NRXN1: variants seen among roughly 807,000 people sequenced by gnomAD.
NRXN1 encodes neurexin-1.
NRXN1 carries 39 observed loss-of-function variants against 150.9 expected under a neutral mutation model. The ratio of observed to expected loss-of-function variants is 0.26; its 90% CI spans 0.20 to 0.34. The LOEUF (loss-of-function observed/expected upper bound fraction) is 0.34. NRXN1 is among the 10% of genes least tolerant of loss of function. The pLI is 1.00. For missense variants in NRXN1, 1,815 were observed against 1,949.9 expected, an observed-to-expected ratio of 0.93 and a Z score of 1.30; for synonymous variants, 924 against 757.0, an observed-to-expected ratio of 1.22 and a Z score of -3.62.
At chr2:50,136,547 C>T (rs1186817722) in intron 18 of NRXN1, among the ~76,000 whole-genome samples, 2 of 152,148 alleles carry the variant, frequency 1.3e-5, no homozygotes, top group Non-Finnish European at 2.9e-5. Context: ...ATGCACCATA[C>T]TCTAACAGAT....
intron 17 of NRXN1, among the ~76,000 whole-genome samples, chr2:50,448,110 G>A (rs1011626118): frequency 6.6e-6 from 1 of 151,892 alleles, no homozygotes; most frequent in African/African-American, 2.4e-5. Flanking sequence ...TTGAGGGGAA[G>A]GTGAAAAATC....
intron 5 of NRXN1, among the ~76,000 whole-genome samples, chr2:50,727,482 A>G (rs1295571647): frequency 2.6e-5 from 4 of 152,078 alleles, no homozygotes; most frequent in African/African-American, 9.7e-5. Flanking sequence ...CCGTATGGCT[A>G]AAAACAAATT....
chr2:50,297,990 C>G (rs540609785), intron 17 of NRXN1, among the ~76,000 whole-genome samples: 1 of 152,214 alleles, frequency 6.6e-6, no homozygotes, highest in East Asian at 1.9e-4. Flanking sequence ...TCCTCCTTAC[C>G]TTCCTCTTTT....
At chr2:50,492,848 C>A (rs528726237) in intron 15 of NRXN1, among the ~76,000 whole-genome samples, 1 of 152,284 alleles carries the variant, frequency 6.6e-6, no homozygotes, top group African/African-American at 2.4e-5. Flanking sequence ...TTAAATTTGG[C>A]CTCAACATAG....
At chr2:50,037,515 G>A (rs905181165) in intron 21 of NRXN1, among the ~76,000 whole-genome samples, 2 of 152,120 alleles carry the variant, frequency 1.3e-5, no homozygotes, top group African/African-American at 4.8e-5. Flanking sequence ...TTGATAAATA[G>A]AGGGTTATGA....
At chr2:50,409,193 A>T (rs1183040621) in intron 17 of NRXN1, among the ~76,000 whole-genome samples, 2 of 152,148 alleles carry the variant, frequency 1.3e-5, no homozygotes, top group Non-Finnish European at 2.9e-5. Context: ...GATTTCACAG[A>T]TGGAAAAGAC....
intron 19 of NRXN1, among the ~76,000 whole-genome samples, chr2:50,074,964 A>C (rs1696849656): frequency 6.6e-6 from 1 of 152,226 alleles, no homozygotes; most frequent in East Asian, 1.9e-4. Context: ...ACAACGGTAA[A>C]GTTCACAGTG....
chr2:50,759,603 C>T (rs886446739), intron 5 of NRXN1, among the ~76,000 whole-genome samples: 7 of 151,854 alleles, frequency 4.6e-5, no homozygotes, highest in African/African-American at 1.4e-4. Flanking sequence ...GCTGTGAGAG[C>T]GCAAGACATA....
Position 50,082,346 on chromosome 2 carries a change from C to T in NRXN1, c.3718+8977G>A, listed in dbSNP as rs540518006. Among the ~76,000 whole-genome samples the T allele has an allele frequency of 7.2e-5, 11 of 152,254 alleles. No individual in the cohort carries two copies. In the South Asian group the frequency reaches 2.3e-3, roughly 32 times the overall value. On this transcript the variant is annotated intron_variant, in intron 19 of 22. Coordinates refer to ENST00000401669, the MANE Select transcript of NRXN1 (RefSeq NM_001330078.2). The stretch of plus-strand genomic sequence containing the variant: ...TTTCAGGAGTGAGACCAGTATAACC[C>T]TTCATTATGATAAGAACTTAAATTG...
chr2:50,104,370 T>C (rs1701366998), intron 18 of NRXN1, among the ~76,000 whole-genome samples: 1 of 152,044 alleles, frequency 6.6e-6, no homozygotes, highest in Non-Finnish European at 1.5e-5. Context: ...TCCACTGTTT[T>C]AAAATAAACA....
intron 18 of NRXN1, among the ~76,000 whole-genome samples, chr2:50,172,374 G>A (rs1445691834): frequency 2.6e-5 from 4 of 151,984 alleles, no homozygotes; most frequent in African/African-American, 9.7e-5. Flanking sequence ...ACACAGGGAG[G>A]CCCTTGAAGG....
intron 17 of NRXN1, among the ~76,000 whole-genome samples, chr2:50,354,001 T>A (rs2078609919): frequency 6.6e-6 from 1 of 152,098 alleles, no homozygotes; most frequent in Non-Finnish European, 1.5e-5. Context: ...CCAAGGTCCT[T>A]ATTTCAGGTT....
chr2:50,055,127 C>T, intron 19 of NRXN1, 83 bp from the exon 20 acceptor site: 4 of 849,400 alleles, frequency 4.7e-6, no homozygotes, highest in Admixed American at 3.7e-5. Context: ...TTGAGCTATA[C>T]AGTTGCCACA....
chr2:50,353,453 C>T lies in NRXN1; in HGVS notation c.3364+111989G>A, dbSNP rs142924064. Among the ~76,000 whole-genome samples the T allele has an allele frequency of 9.9e-5, 15 of 152,208 alleles. 2 individuals are homozygous for T. The East Asian group carries it at 2.7e-3, about 27-fold the overall frequency. ...ATGTGTTCATAATGTAGCGTGACAA[C>T]ATGAGACTGGAGTGCCTGACTGTGA... On this transcript the variant is annotated intron_variant, in intron 17 of 22. Transcript: ENST00000401669.
At chr2:50,271,345 T>C (rs1157311455) in intron 17 of NRXN1, among the ~76,000 whole-genome samples, 1 of 152,158 alleles carries the variant, frequency 6.6e-6, no homozygotes, top group Admixed American at 6.6e-5. Flanking sequence ...ATAATTAAGA[T>C]TTAGTAGAGG....
intron 18 of NRXN1, among the ~76,000 whole-genome samples, chr2:50,135,031 A>C (rs983362842): frequency 3.3e-5 from 5 of 152,224 alleles, no homozygotes; most frequent in Non-Finnish European, 7.3e-5. Context: ...ACAAGAAAGC[A>C]AGAATATTAT....
chr2:50,036,375 T>G (rs1690037538), intron 21 of NRXN1, among the ~76,000 whole-genome samples: 1 of 152,248 alleles, frequency 6.6e-6, no homozygotes, highest in South Asian at 2.1e-4. Flanking sequence ...TATGTTGAGT[T>G]GTGGGTCAAT....
intron 18 of NRXN1, among the ~76,000 whole-genome samples, chr2:50,202,365 G>A (rs1265162045): frequency 6.6e-6 from 1 of 152,130 alleles, no homozygotes; most frequent in Non-Finnish European, 1.5e-5. Context: ...AATTAGCCGG[G>A]TGTGGTGCTG....
At chr2:50,525,129 T>A (rs10168080) in intron 12 of NRXN1, among the ~76,000 whole-genome samples, 131,667 of 152,228 alleles carry the variant, frequency 0.86, 57,272 homozygotes, top group African/African-American at 0.93. Context: ...ACTAAAGTCA[T>A]TTAATACTAT....
Sources: gnomAD v4.1 joint callset for allele counts (sites outside exome capture counted in the v4.1 genomes callset) on GRCh38, gnomAD v4.1.1 for gene constraint, MANE v1.5 for transcripts, NCBI Gene and HGNC (gene_info 2026-07-23, HGNC 2026-07-21) for gene names.